Variants in TMPRSS6 observed in about 807,000 individuals in gnomAD.
TMPRSS6 encodes transmembrane protease serine 6.
Under a neutral mutation model 101.5 loss-of-function variants are expected in TMPRSS6, and 67 were observed. The observed-to-expected ratio is 0.66, with a 90% CI of 0.54 to 0.81. The LOEUF (loss-of-function observed/expected upper bound fraction) is 0.81, where lower values mean the gene tolerates loss of function less well. Among genes scored for constraint, TMPRSS6 ranks in the 30% least tolerant of loss-of-function variants. The probability of loss-of-function intolerance (pLI) is 0.00; values close to 1 mark genes in which losing one functional copy is unlikely to be tolerated. For synonymous variants in TMPRSS6, 453 were observed against 464.9 expected, an observed-to-expected ratio of 0.97 and a Z score of 0.33; for missense variants, 1,034 against 1,088.7, an observed-to-expected ratio of 0.95 and a Z score of 0.71.
chr22:37,071,205 C>CCCACAGCCCCT, intron 13 of TMPRSS6, among the ~76,000 whole-genome samples, 173 bp from the exon 14 acceptor site: 1 of 152,058 alleles, frequency 6.6e-6, no homozygotes, highest in African/African-American at 2.4e-5. Flanking sequence ...CCCCCCGCCC[C>CCCACAGCCCCT]CCACAGCCCC....
At chr22:37,090,481 G>A (rs532329022) in intron 6 of TMPRSS6, among the ~76,000 whole-genome samples, 1 of 152,194 alleles carries the variant, frequency 6.6e-6, no homozygotes, top group East Asian at 1.9e-4. Context: ...GGCTGCCCTG[G>A]GGGGAGGACA....
rs1475892635 is a variant in TMPRSS6 at position 37,096,640 on chromosome 22, C to A, written c.404+8G>T. 1.3e-6 allele frequency: 2 copies of A among 1,559,908 alleles called. No individual in the cohort carries two copies. Among genetic ancestry groups the A allele is most frequent in the East Asian group, 4.7e-5 (2 of 42,162 alleles). On this transcript the variant is annotated splice_region_variant and intron_variant, in intron 4 of 17. Transcript: ENST00000676104. ...TGCAGGAGCTGGTCAGGGGCAAGGA[C>A]AACTCACCCAAAGGAATAGACGGAG...
intron 3 of TMPRSS6, among the ~76,000 whole-genome samples, chr22:37,098,049 C>A (rs1929972802): frequency 6.7e-6 from 1 of 148,748 alleles, no homozygotes; most frequent in Non-Finnish European, 1.5e-5. Context: ...GGCCACCGTC[C>A]TGTAACGGAG....
In TMPRSS6 at chr22:37,098,425, G is replaced by T; in HGVS notation, c.327C>A (p.Ala109=). ...SSAFRSETAK[A]QKMLKELITS... ...CCAGATCCTTTCCTACCATCTTCTG[G>T]GCTTTGGCGGTTTCACTGCGGAAGG... The change falls in exon 3 of 18, where the codon GCC becomes GCA. Residue 109 remains alanine (A), a synonymous_variant. Transcript: ENST00000676104. 2 of 1,613,716 alleles carry T rather than the reference G, an allele frequency of 1.2e-6. No individual in the cohort carries two copies. Among genetic ancestry groups the T allele is most frequent in the Non-Finnish European group, 1.7e-6 (2 of 1,179,984 alleles).
At chr22:37,077,268 G>A (rs1927755941) in intron 10 of TMPRSS6, among the ~76,000 whole-genome samples, 1 of 152,170 alleles carries the variant, frequency 6.6e-6, no homozygotes, top group Non-Finnish European at 1.5e-5. Flanking sequence ...GGACCCAGAA[G>A]AGCTCACCTA....
chr22:37,102,194 A>T (rs1299240719), intron 2 of TMPRSS6, among the ~76,000 whole-genome samples: 1 of 152,212 alleles, frequency 6.6e-6, no homozygotes, highest in Non-Finnish European at 1.5e-5. Context: ...GTTTAATGGG[A>T]TGCTTCTGAT....
In TMPRSS6 at chr22:37,066,081, C is replaced by T. The variant is rs1926249096; in HGVS notation, c.2408G>A (p.Ter803=). 1 of 1,613,590 alleles carries T rather than the reference C, an allele frequency of 6.2e-7. No individual in the cohort carries two copies. Among genetic ancestry groups the T allele is most frequent in the African/African-American group, 1.3e-5 (1 of 75,046 alleles). ...VISWIQQVVT[*] The stretch of plus-strand genomic sequence containing the variant: ...CCTGCTTTGCAGGGGGGCAGTTCCT[C>T]AGGTCACCACTTGCTGGATCCAGCT... The change falls in exon 18 of 18, where the codon TGA becomes TAA. Residue 803 remains the stop codon, a stop_retained_variant. Coordinates refer to ENST00000676104, the MANE Select transcript of TMPRSS6 (RefSeq NM_001374504.1).
Position 37,084,794 on chromosome 22 carries a change from C to T in TMPRSS6, c.1019G>A (p.Gly340Asp), listed in dbSNP as rs1348833401. The T allele has an allele frequency of 6.4e-7, 1 of 1,563,464 alleles. No individual in the cohort carries two copies. The change falls in exon 9 of 18, where the codon GGC (glycine) becomes GAC (aspartate). Residue 340 changes from glycine (G) to aspartate (D), a missense_variant. Coordinates refer to ENST00000676104, the MANE Select transcript of TMPRSS6 (RefSeq NM_001374504.1). ...LTLDNRLDSQ[G>D]VLSTPYFPSY... ...GGGGAAGTACGGGGTGCTGAGGACG[C>T]CCTGGGAGTCGAGCCTGTTGTCCAG...
intron 10 of TMPRSS6, among the ~76,000 whole-genome samples, chr22:37,083,550 CCCTGCCTCCTTGCCCAG>C (rs1405793060): frequency 6.6e-6 from 1 of 152,264 alleles, no homozygotes; most frequent in Non-Finnish European, 1.5e-5. Context: ...GTCTCTGTTT[CCCTGCCTCCTTGCCCAG>C]CCCAGGCCTC....
rs1372630572 is a variant in TMPRSS6 at position 37,075,136 on chromosome 22, G to A, written c.1341C>T (p.Asp447=). The part of the protein sequence containing the change: ...RVHYGLYNQS[D]PCPGEFLCSV... ...GTTCCCCCGGCTGCCCATACTCACG[G>A]TCCGACTGGTTGTACAAGCCATAGT... is the stretch of plus-strand genomic sequence containing the variant. Residue 447 remains aspartate (D), a splice_region_variant and synonymous_variant, in exon 11 of 18, where the codon GAC becomes GAT. Coordinates refer to ENST00000676104, the MANE Select transcript of TMPRSS6 (RefSeq NM_001374504.1). The A allele has an allele frequency of 1.9e-6, 3 of 1,613,618 alleles. No homozygotes were observed. The highest frequency in any genetic ancestry group is 8.5e-7 in the Non-Finnish European group (1 of 1,180,046).
At chr22:37,081,733 C>A (rs1928288767) in intron 10 of TMPRSS6, among the ~76,000 whole-genome samples, 1 of 152,196 alleles carries the variant, frequency 6.6e-6, no homozygotes, top group Admixed American at 6.5e-5. Context: ...TGAAGCCCAT[C>A]TCCACCACTG....
chr22:37,096,530 A>G, intron 4 of TMPRSS6, 118 bp downstream of exon 4: 3 of 1,166,736 alleles, frequency 2.6e-6, no homozygotes, highest in East Asian at 2.6e-5. Flanking sequence ...TTCCCTCTCT[A>G]TGCCTTAGTT....
At chr22:37,076,942 C>T (rs1038266109) in intron 10 of TMPRSS6, among the ~76,000 whole-genome samples, 12 of 152,342 alleles carry the variant, frequency 7.9e-5, no homozygotes, top group South Asian at 4.1e-4. Context: ...CAACACCCTG[C>T]GGAGCCGGCC....
intron 8 of TMPRSS6, 147 bp downstream of exon 8, chr22:37,086,136 G>T (rs1928738373): frequency 9.5e-7 from 1 of 1,048,910 alleles, no homozygotes; most frequent in Admixed American, 2.0e-5. Flanking sequence ...CCGGGGTGGG[G>T]AGTGGAGAGC....
At chr22:37,098,607 C>T in intron 2 of TMPRSS6, 58 bp from the exon 3 acceptor site, 1 of 1,613,062 alleles carries the variant, frequency 6.2e-7, no homozygotes, top group East Asian at 2.2e-5. Context: ...AGTCTCCTGT[C>T]TCTTCCATGC....
chr22:37,077,953 C>T (rs1027126784), intron 10 of TMPRSS6, among the ~76,000 whole-genome samples: 6 of 152,326 alleles, frequency 3.9e-5, no homozygotes, highest in South Asian at 2.1e-4. Context: ...CCAGCAGGGC[C>T]GGTGGGGGAC....
Position 37,070,592 on chromosome 22 carries a change from T to C in TMPRSS6, c.1733A>G (p.Glu578Gly), listed in dbSNP as rs765220763. ...CTGGAGGCTGGCCTGCCATGGCCAC[T>C]CACCCTCGGAGGACACAGCTCCACC... ...IVGGAVSSEG[E>G]WPWQASLQVR... Residue 578 changes from glutamate (E) to glycine (G), a missense_variant, in exon 15 of 18, where the codon GAG (glutamate) becomes GGG (glycine). Physicochemically the swap from Glu to Gly is moderately conservative, Grantham distance 98. Transcript: ENST00000676104. 5.0e-6 allele frequency: 8 copies of C among 1,613,020 alleles called. No individual in the cohort carries two copies. The African/African-American group carries it at 1.1e-4, about 22-fold the overall frequency.
At position 37,073,515 on chromosome 22, in the gene TMPRSS6, G is replaced by C. The variant is rs201456096; in HGVS notation, c.1555+17C>G. ...GCCTTTGGTGTCCCTCCAGACACTC[G>C]GCTAGGCCTGCCCTACCTTCCTGGC... On this transcript the variant is annotated intron_variant, in intron 13 of 17. Transcript: ENST00000676104. 2 of 1,581,102 alleles carry C rather than the reference G, an allele frequency of 1.3e-6. No individual in the cohort carries two copies. Among genetic ancestry groups the C allele is most frequent in the South Asian group, 1.1e-5 (1 of 90,538 alleles).
At position 37,073,043 on chromosome 22, in the gene TMPRSS6, G is replaced by A. The variant is rs530429239; in HGVS notation, c.1555+489C>T. Among the ~76,000 whole-genome samples, 69 of 146,238 alleles carry A rather than the reference G, an allele frequency of 4.7e-4. No homozygotes were observed. In the South Asian group the frequency reaches 0.014, roughly 29 times the overall value. On this transcript the variant is annotated intron_variant, in intron 13 of 17. Coordinates refer to ENST00000676104, the MANE Select transcript of TMPRSS6 (RefSeq NM_001374504.1). ...ATGGATGGATGATGGACGGATGGAC[G>A]ATGGGTGGATGGATGGATGATGGAT...
Sources: allele counts gnomAD v4.1 joint callset (sites outside exome capture counted in the v4.1 genomes callset), GRCh38; gene constraint gnomAD v4.1.1; transcripts MANE v1.5; gene names NCBI Gene and HGNC (gene_info 2026-07-23, HGNC 2026-07-21).